The following UTS2 variants were observed in gnomAD, a reference collection of about 807,000 sequenced individuals.
UTS2 encodes the protein urotensin-2.
Under a neutral mutation model 12.6 loss-of-function variants are expected in UTS2, and 10 were observed. The observed-to-expected ratio is 0.80, with a 90% CI of 0.49 to 1.35. The LOEUF (loss-of-function observed/expected upper bound fraction) is 1.35, where lower values mean the gene tolerates loss of function less well. Among genes scored for constraint, UTS2 ranks in the 40% most tolerant of loss-of-function variants. The pLI, the probability that UTS2 is intolerant of heterozygous loss-of-function variation, is 0.00. For synonymous variants in UTS2, 52 were observed against 50.0 expected (o/e 1.04, Z -0.17); for missense variants, 142 against 143.2 (o/e 0.99, Z 0.04).
the UTS2 span, among the ~76,000 whole-genome samples, chr1:7,870,650 C>T: frequency 6.6e-6 from 1 of 152,222 alleles, no homozygotes; most frequent in Non-Finnish European, 1.5e-5. Context: ...CCAAAGTTCT[C>T]CTTATGGTCA....
chr1:7,867,116 C>T, the UTS2 span, among the ~76,000 whole-genome samples: 2 of 152,086 alleles, frequency 1.3e-5, no homozygotes, highest in Non-Finnish European at 2.9e-5. Flanking sequence ...GTGATCCGCC[C>T]GCCTCGGCCT....
chr1:7,877,905 A>G, the UTS2 span, among the ~76,000 whole-genome samples: 2 of 152,206 alleles, frequency 1.3e-5, no homozygotes, highest in Non-Finnish European at 1.5e-5. Context: ...AAAATTTCTC[A>G]AGTCTTGCAA....
the UTS2 span, among the ~76,000 whole-genome samples, chr1:7,875,500 A>G: frequency 6.6e-6 from 1 of 152,014 alleles, no homozygotes; most frequent in African/African-American, 2.4e-5. Context: ...CACTCTACCC[A>G]CCACTGCCAC....
the UTS2 span, among the ~76,000 whole-genome samples, chr1:7,905,331 C>A: frequency 6.6e-6 from 1 of 151,630 alleles, no homozygotes; most frequent in Non-Finnish European, 1.5e-5. Flanking sequence ...TTTTAGTAGA[C>A]ACGGGGTTTC....
At chr1:7,864,798 T>A in the UTS2 span, among the ~76,000 whole-genome samples, 1 of 152,064 alleles carries the variant, frequency 6.6e-6, no homozygotes, top group African/African-American at 2.4e-5. Flanking sequence ...TCCGTGTGCT[T>A]CTTCTCCTAC....
the UTS2 span, among the ~76,000 whole-genome samples, chr1:7,911,268 C>T: frequency 6.6e-6 from 1 of 152,130 alleles, no homozygotes; most frequent in Admixed American, 6.5e-5. Flanking sequence ...GAATTATAAG[C>T]ATTTCTTGCA....
chr1:7,854,397 T>G (rs1638259083), upstream of UTS2, among the ~76,000 whole-genome samples: 2 of 141,778 alleles, frequency 1.4e-5, no homozygotes, highest in Admixed American at 7.1e-5. Context: ...ATACAACAAT[T>G]AACCAGGTGT....
the UTS2 span, among the ~76,000 whole-genome samples, chr1:7,882,554 T>A: frequency 6.6e-6 from 1 of 151,980 alleles, no homozygotes; most frequent in Admixed American, 6.6e-5. Flanking sequence ...AAAACAAAAA[T>A]AGACAAATGG....
chr1:7,893,252 C>G, the UTS2 span, among the ~76,000 whole-genome samples: 5 of 152,170 alleles, frequency 3.3e-5, no homozygotes, highest in East Asian at 9.6e-4. Flanking sequence ...GTGGCTCACG[C>G]CTGTAATACC....
the UTS2 span, among the ~76,000 whole-genome samples, chr1:7,906,729 A>G: frequency 6.6e-6 from 1 of 152,172 alleles, no homozygotes; most frequent in Non-Finnish European, 1.5e-5. Flanking sequence ...GAACACCAAT[A>G]TGGATGCCGG....
the UTS2 span, among the ~76,000 whole-genome samples, chr1:7,901,735 G>C: frequency 8.9e-4 from 135 of 152,016 alleles, no homozygotes; most frequent in Non-Finnish European, 1.7e-3. Flanking sequence ...GTGAGGAAAT[G>C]GACTTCGTGG....
the UTS2 span, among the ~76,000 whole-genome samples, chr1:7,870,920 C>T: frequency 1.3e-5 from 2 of 152,236 alleles, no homozygotes; most frequent in Admixed American, 6.5e-5. Context: ...TCAATAATAT[C>T]AAAAAGGACT....
At chr1:7,862,170 C>T in the UTS2 span, among the ~76,000 whole-genome samples, 1 of 151,896 alleles carries the variant, frequency 6.6e-6, no homozygotes, top group Non-Finnish European at 1.5e-5. Context: ...CCCGCCCCCG[C>T]AACTTCGGCC....
the UTS2 span, among the ~76,000 whole-genome samples, chr1:7,884,207 A>G: frequency 1.3e-5 from 2 of 152,052 alleles, no homozygotes; most frequent in Admixed American, 1.3e-4. Context: ...CGGGAACACA[A>G]TATGTGCTCA....
At chr1:7,908,129 T>C in the UTS2 span, among the ~76,000 whole-genome samples, 2 of 151,768 alleles carry the variant, frequency 1.3e-5, no homozygotes, top group Non-Finnish European at 1.5e-5. Flanking sequence ...CGAATCCCCA[T>C]CTCTACTAAA....
chr1:7,852,462 A>G (rs1268456692), intron 1 of UTS2, among the ~76,000 whole-genome samples: 1 of 151,808 alleles, frequency 6.6e-6, no homozygotes, highest in East Asian at 1.9e-4. Flanking sequence ...TTTGTTTCGT[A>G]GAACACATAT....
At chr1:7,884,052 G>T in the UTS2 span, among the ~76,000 whole-genome samples, 1 of 152,078 alleles carries the variant, frequency 6.6e-6, no homozygotes, top group Non-Finnish European at 1.5e-5. Flanking sequence ...GGCCTCAGGT[G>T]ATCCACCTGC....
In UTS2 at chr1:7,847,680, CACACT is replaced by C; in HGVS notation, c.*81_*85del. On this transcript the variant is annotated 3_prime_UTR_variant, in exon 4 of 4. Transcript: ENST00000361696. The stretch of plus-strand genomic sequence containing the variant: ...GGGTGTAGTTTGCCTAGTTTTTCTC[CACACT>C]GTTTTCAAATCAAGCATTGTGTTAT... The C allele has an allele frequency of 1.8e-6, 2 of 1,108,602 alleles. No homozygotes were observed. Among genetic ancestry groups the C allele is most frequent in the South Asian group, 1.4e-5 (1 of 70,882 alleles). 68.7% of individuals were successfully genotyped at this position (1,108,602 alleles called of 1,614,324 possible).
At chr1:7,863,339 G>A in the UTS2 span, among the ~76,000 whole-genome samples, 12 of 152,106 alleles carry the variant, frequency 7.9e-5, no homozygotes, top group African/African-American at 2.4e-4. Flanking sequence ...TCGAACTCCC[G>A]ACCTCAGGTG....
Sources: gnomAD v4.1 joint callset for allele counts (sites outside exome capture counted in the v4.1 genomes callset) on GRCh38, gnomAD v4.1.1 for gene constraint, MANE v1.5 for transcripts, NCBI Gene and HGNC (gene_info 2026-07-23, HGNC 2026-07-21) for gene names.